The following JAML variants were observed in gnomAD, a reference collection of about 807,000 sequenced individuals.
The protein encoded by JAML is junction adhesion molecule like.
Under a neutral mutation model 39.3 loss-of-function variants are expected in JAML, and 25 were observed. That is an observed-to-expected ratio of 0.64 (90% CI 0.46 to 0.89). The LOEUF (loss-of-function observed/expected upper bound fraction) is 0.89. Ranked by LOEUF, JAML falls within the 40% of genes least tolerant of loss-of-function variation. JAML has a pLI of 0.00. For missense variants in JAML, 440 were observed against 486.9 expected, an observed-to-expected ratio of 0.90 and a Z score of 0.91; for synonymous variants, 162 against 179.2, an observed-to-expected ratio of 0.90 and a Z score of 0.77.
Position 118,224,923 on chromosome 11 carries a change from T to C in JAML, c.-21+18A>G, listed in dbSNP as rs1274218098. ...AAAGTTCAAAAAATGGCTTAAGAAA[T>C]TCAAAGCAACTGCTTACCCAAGATG... is the stretch of plus-strand genomic sequence containing the variant. On this transcript the variant is annotated intron_variant, in intron 1 of 9. Transcript: ENST00000356289. 6.6e-6 allele frequency: 1 copy of C among 152,106 alleles called. No individual in the cohort carries two copies. The highest frequency in any genetic ancestry group is 1.5e-5 in the Non-Finnish European group (1 of 68,032). The allele number at this position is 152,106 out of a possible 1,614,324, so 9.4% of individuals were successfully genotyped here. A position where few individuals can be genotyped will look rare whatever the true frequency, so the allele number is the denominator to read the frequency against.
Position 118,194,376 on chromosome 11 carries a change from T to G in JAML, c.1134A>C (p.Ser378=). The G allele has an allele frequency of 6.2e-7, 1 of 1,613,960 alleles. No homozygotes were observed. The change falls in exon 10 of 10, where the codon TCA becomes TCC. Residue 378 remains serine, a synonymous_variant. Coordinates refer to ENST00000356289, the MANE Select transcript of JAML (RefSeq NM_001098526.2). ...WPSLRSDRNN[S]LEKKSGGGMP... ...TTCCCCCACCTGACTTTTTTTCAAG[T>G]GAGTTGTTCCGATCTGACCTCAGAG... is the stretch of plus-strand genomic sequence containing the variant.
chr11:118,200,028 C>T (rs1344215753), intron 7 of JAML, among the ~76,000 whole-genome samples: 1 of 152,092 alleles, frequency 6.6e-6, no homozygotes, highest in Non-Finnish European at 1.5e-5. Context: ...TCATTTAGAA[C>T]CTGAGGGCAC....
intron 1 of JAML, among the ~76,000 whole-genome samples, chr11:118,215,088 T>A (rs774512909): frequency 1.7e-4 from 26 of 152,078 alleles, no homozygotes; most frequent in Non-Finnish European, 3.4e-4. Flanking sequence ...AATAAATGAA[T>A]GAATGAATAA....
rs1464446920 is a variant in JAML at position 118,203,495 on chromosome 11, A to G, written c.705T>C (p.Ser235=). 2 of 1,614,034 alleles carry G rather than the reference A, an allele frequency of 1.2e-6. No homozygotes were observed. Among genetic ancestry groups the G allele is most frequent in the Non-Finnish European group, 8.5e-7 (1 of 1,180,018 alleles). Residue 235 remains serine, a synonymous_variant, in exon 6 of 10, where the codon AGT becomes AGC. Coordinates refer to ENST00000356289, the MANE Select transcript of JAML (RefSeq NM_001098526.2). ...RESDGGNYTC[S]IHLGNLVFKK... is the part of the protein sequence containing the mutation. ...TGAACACCAGGTTCCCTAGGTGGAT[A>G]CTGCAGGTGTAGTTTCCTCCATCTG... is the stretch of plus-strand genomic sequence containing the variant.
At chr11:118,214,073 A>C (rs1167732874) in intron 2 of JAML, among the ~76,000 whole-genome samples, 1 of 152,180 alleles carries the variant, frequency 6.6e-6, no homozygotes, top group Non-Finnish European at 1.5e-5. Flanking sequence ...AATAATAATA[A>C]AGAGAAAAAG....
chr11:118,195,829 T>TTTG (rs889722346), intron 9 of JAML, among the ~76,000 whole-genome samples: 7 of 152,128 alleles, frequency 4.6e-5, no homozygotes, highest in South Asian at 4.1e-4. Context: ...TCCTATTTTC[T>TTTG]TTGTTGTTGT....
intron 2 of JAML, chr11:118,213,132 T>A (rs930790903): frequency 7.0e-7 from 1 of 1,423,468 alleles, no homozygotes; most frequent in Non-Finnish European, 9.2e-7. Context: ...TCTCCCTGCC[T>A]CACCCCTCCA....
chr11:118,202,816 C>T (rs1336090780), intron 6 of JAML: 2 of 396,228 alleles, frequency 5.0e-6, no homozygotes, highest in Non-Finnish European at 1.0e-5. Flanking sequence ...CAGGCCACAT[C>T]CTGATTGCTA....
intron 1 of JAML, among the ~76,000 whole-genome samples, chr11:118,215,845 C>T (rs1221126695): frequency 3.9e-5 from 6 of 152,252 alleles, no homozygotes; most frequent in Non-Finnish European, 8.8e-5. Flanking sequence ...ATTTTCTTAG[C>T]TAAACAGAAG....
chr11:118,210,346 T>G, intron 4 of JAML, 141 bp downstream of exon 4: 1 of 613,758 alleles, frequency 1.6e-6, no homozygotes, highest in South Asian at 2.5e-5. Context: ...ACTGAAATAA[T>G]TATGATCATT....
intron 6 of JAML, chr11:118,203,059 C>T (rs1205539068): frequency 1.1e-5 from 5 of 470,490 alleles, no homozygotes; most frequent in Non-Finnish European, 1.7e-5. Context: ...ACACATACAG[C>T]ACCTCCCTTG....
At chr11:118,217,314 C>G (rs564957049) in intron 1 of JAML, among the ~76,000 whole-genome samples, 1 of 152,196 alleles carries the variant, frequency 6.6e-6, no homozygotes. Context: ...AGGAAGCCAG[C>G]GACTCTAAAA....
chr11:118,208,879 C>T (rs1948980577), intron 4 of JAML: 1 of 152,880 alleles, frequency 6.5e-6, no homozygotes, highest in East Asian at 1.9e-4. Flanking sequence ...GATTTCAGAA[C>T]TCCAGTGGAA....
At chr11:118,196,166 G>A (rs1948650659) in intron 9 of JAML, among the ~76,000 whole-genome samples, 2 of 142,186 alleles carry the variant, frequency 1.4e-5, no homozygotes, top group Admixed American at 7.3e-5. Context: ...GTCTTACTCT[G>A]TCTCCCAGGC....
rs1309357589 is a variant in JAML, at chr11:118,222,285, T to A, written c.-21+2656A>T. Among the ~76,000 whole-genome samples, 1 of 152,016 alleles carries A rather than the reference T, an allele frequency of 6.6e-6. No homozygotes were observed. Among genetic ancestry groups the A allele is most frequent in the Non-Finnish European group, 1.5e-5 (1 of 68,010 alleles). On this transcript the variant is annotated intron_variant, in intron 1 of 9. Transcript: ENST00000356289. This position sits in a 1 kb window ranked among gnomAD's most constrained non-coding sequence, Gnocchi z 4.2. ...AAATACAAAAATTAGCTGGATGTAG[T>A]GGCAGGCACCTGTAGTCCTAGCTAC... is the stretch of plus-strand genomic sequence containing the variant.
intron 8 of JAML, 87 bp downstream of exon 8, chr11:118,197,911 T>C: frequency 8.0e-7 from 1 of 1,246,844 alleles, no homozygotes; most frequent in African/African-American, 1.5e-5. Context: ...AGCTGCGACA[T>C]ACAATGGGTA....
intron 1 of JAML, among the ~76,000 whole-genome samples, chr11:118,221,975 T>G (rs1318391690): frequency 6.6e-6 from 1 of 152,238 alleles, no homozygotes; most frequent in Non-Finnish European, 1.5e-5. Context: ...AGGTAAAGAT[T>G]CAAAAGCCAG....
At chr11:118,200,680 C>G in intron 6 of JAML, 68 bp from the exon 7 acceptor site, 1 of 1,587,080 alleles carries the variant, frequency 6.3e-7, no homozygotes, top group Non-Finnish European at 8.6e-7. Context: ...CCCCACAGCC[C>G]TATACCAAGT....
intron 3 of JAML, among the ~76,000 whole-genome samples, 164 bp downstream of exon 3, chr11:118,212,243 T>C (rs960191153): frequency 6.6e-6 from 1 of 152,146 alleles, no homozygotes; most frequent in Non-Finnish European, 1.5e-5. Flanking sequence ...GCTGATAACA[T>C]AACCAAATTC....
Sources: allele counts gnomAD v4.1 joint callset (sites outside exome capture counted in the v4.1 genomes callset), GRCh38; gene constraint gnomAD v4.1.1; non-coding constraint Gnocchi (gnomAD v3.1); transcripts MANE v1.5; gene names NCBI Gene and HGNC (gene_info 2026-07-23, HGNC 2026-07-21).